The following FRMD4A variants were observed in gnomAD, a reference collection of about 807,000 sequenced individuals.
FRMD4A encodes FERM domain containing 4A.
In FRMD4A, 29 loss-of-function variants were observed where a neutral mutation model predicts 129.1. The ratio of observed to expected loss-of-function variants is 0.22; its 90% CI spans 0.17 to 0.31. The LOEUF (loss-of-function observed/expected upper bound fraction) is 0.31, where lower values mean the gene tolerates loss of function less well. Among genes scored for constraint, FRMD4A ranks in the 10% least tolerant of loss-of-function variants. The probability of loss-of-function intolerance (pLI) is 1.00; values close to 1 mark genes in which losing one functional copy is unlikely to be tolerated. For synonymous variants in FRMD4A, 634 were observed against 571.6 expected, an observed-to-expected ratio of 1.11 and a Z score of -1.56; for missense variants, 1,272 against 1,375.8, an observed-to-expected ratio of 0.92 and a Z score of 1.19.
At chr10:14,296,294 G>A (rs937354408) in intron 2 of FRMD4A, among the ~76,000 whole-genome samples, 2 of 152,218 alleles carry the variant, frequency 1.3e-5, no homozygotes, top group African/African-American at 2.4e-5. Flanking sequence ...GGGCTCCATA[G>A]AAAGAGCTAA....
In FRMD4A at chr10:13,651,923, G is replaced by A. The variant is rs747447063; in HGVS notation, c.3102C>T (p.His1034=). ...GGTACCTCTATTCATCAGTACTTTG[G>A]TGAGGTGGAGACTCAGACCCATCCA... is the stretch of plus-strand genomic sequence containing the variant. The part of the protein sequence containing the change: ...PILDGSESPP[H]QSTDE The change falls in exon 24 of 25, where the codon CAC becomes CAT. Residue 1034 remains histidine (H), a synonymous_variant. Coordinates refer to ENST00000357447, the MANE Select transcript of FRMD4A (RefSeq NM_018027.5). 6.3e-7 allele frequency: 1 copy of A among 1,585,320 alleles called. No homozygotes were observed. The highest frequency in any genetic ancestry group is 8.7e-7 in the Non-Finnish European group (1 of 1,153,678).
chr10:14,168,446 A>G (rs569667915), intron 2 of FRMD4A, among the ~76,000 whole-genome samples: 2 of 152,294 alleles, frequency 1.3e-5, no homozygotes, highest in Admixed American at 6.5e-5. Flanking sequence ...GAAAGCCTTT[A>G]TTGTCATGAG....
At chr10:14,064,280 G>T (rs1834952511) in intron 2 of FRMD4A, among the ~76,000 whole-genome samples, 1 of 152,214 alleles carries the variant, frequency 6.6e-6, no homozygotes, top group African/African-American at 2.4e-5. Context: ...CTTGCTGAAA[G>T]AATGCATGTG....
chr10:13,844,237 C>T (rs1449062240), intron 3 of FRMD4A, among the ~76,000 whole-genome samples: 1 of 152,068 alleles, frequency 6.6e-6, no homozygotes, highest in Admixed American at 6.6e-5. Flanking sequence ...AGGCTTTAGA[C>T]ATCACATAGT....
At chr10:14,012,386 A>G (rs2095685359) in intron 2 of FRMD4A, among the ~76,000 whole-genome samples, 2 of 152,352 alleles carry the variant, frequency 1.3e-5, no homozygotes, top group Admixed American at 6.5e-5. Flanking sequence ...AGGAAAATGC[A>G]TAGGAATCCA....
intron 19 of FRMD4A, among the ~76,000 whole-genome samples, chr10:13,662,716 GA>G (rs1168547455): frequency 6.6e-6 from 1 of 152,134 alleles, no homozygotes; most frequent in Non-Finnish European, 1.5e-5. Flanking sequence ...TATCTACTGG[GA>G]TATCTCCCCT....
chr10:13,920,134 C>A (rs2095055469), intron 2 of FRMD4A, among the ~76,000 whole-genome samples: 1 of 152,170 alleles, frequency 6.6e-6, no homozygotes, highest in Admixed American at 6.5e-5. Flanking sequence ...GGGTCTACAG[C>A]AACTGAGAAG....
intron 2 of FRMD4A, among the ~76,000 whole-genome samples, chr10:14,111,524 G>A (rs1310558144): frequency 6.6e-6 from 1 of 152,156 alleles, no homozygotes; most frequent in African/African-American, 2.4e-5. Context: ...AGCTAAGCTT[G>A]CAGCACTATG....
At chr10:14,009,871 A>G (rs2095675144) in intron 2 of FRMD4A, among the ~76,000 whole-genome samples, 1 of 152,128 alleles carries the variant, frequency 6.6e-6, no homozygotes, top group Non-Finnish European at 1.5e-5. Flanking sequence ...GAGGTGGTTT[A>G]GGTTTACATC....
chr10:14,010,012 T>C (rs2095675678), intron 2 of FRMD4A, among the ~76,000 whole-genome samples: 1 of 152,202 alleles, frequency 6.6e-6, no homozygotes, highest in African/African-American at 2.4e-5. Flanking sequence ...TTTGTAAAAC[T>C]GCACTTGACG....
intron 3 of FRMD4A, among the ~76,000 whole-genome samples, chr10:13,835,957 A>G (rs2093866487): frequency 6.6e-6 from 1 of 152,116 alleles, no homozygotes; most frequent in Non-Finnish European, 1.5e-5. Flanking sequence ...GTATTTAGAG[A>G]GTGTCTACTA....
At chr10:13,658,073 A>G (rs377358192) in intron 21 of FRMD4A, among the ~76,000 whole-genome samples, 6 of 150,090 alleles carry the variant, frequency 4.0e-5, no homozygotes, top group Admixed American at 3.3e-4. Flanking sequence ...AGGATGCAGT[A>G]AGCTATGATC....
chr10:14,007,039 A>AG (rs1318407371), intron 2 of FRMD4A: 1 of 151,714 alleles, frequency 6.6e-6, no homozygotes, highest in African/African-American at 2.4e-5. Context: ...TTAAACCTTT[A>AG]GTTTTTTTTT....
chr10:13,960,488 A>G (rs902644891), intron 2 of FRMD4A, among the ~76,000 whole-genome samples: 3 of 152,248 alleles, frequency 2.0e-5, no homozygotes, highest in African/African-American at 7.2e-5. Flanking sequence ...TGGTCTAAGT[A>G]CTTTATATAT....
intron 2 of FRMD4A, among the ~76,000 whole-genome samples, chr10:14,164,803 C>T (rs1841090024): frequency 6.6e-6 from 1 of 152,228 alleles, no homozygotes; most frequent in Non-Finnish European, 1.5e-5. Context: ...GTCCAACCTG[C>T]AACCCACGAT....
intron 2 of FRMD4A, among the ~76,000 whole-genome samples, chr10:14,067,677 C>T (rs188362317): frequency 2.2e-3 from 337 of 152,116 alleles, no homozygotes; most frequent in Middle Eastern, 6.8e-3. Context: ...CTTAGCTGGG[C>T]GTGGTGGTGC....
intron 2 of FRMD4A, among the ~76,000 whole-genome samples, chr10:14,162,543 G>C (rs939721959): frequency 2.0e-5 from 3 of 151,936 alleles, no homozygotes; most frequent in Admixed American, 1.3e-4. Context: ...AAGGGGATGT[G>C]TGGGGCACAG....
At chr10:13,659,635 T>G (rs1390707872) in intron 20 of FRMD4A, 145 bp from the exon 21 acceptor site, 15 of 737,596 alleles carry the variant, frequency 2.0e-5, no homozygotes, top group Non-Finnish European at 3.1e-5. Context: ...CTACTGTGGT[T>G]CTCAGCCTTT....
chr10:14,096,290 C>A (rs1017413614), intron 2 of FRMD4A, among the ~76,000 whole-genome samples: 1 of 152,212 alleles, frequency 6.6e-6, no homozygotes, highest in Non-Finnish European at 1.5e-5. Context: ...GACACCAGAT[C>A]TGCTGTTGCC....
Sources: allele counts gnomAD v4.1 joint callset (sites outside exome capture counted in the v4.1 genomes callset), GRCh38; gene constraint gnomAD v4.1.1; transcripts MANE v1.5; gene names NCBI Gene and HGNC (gene_info 2026-07-23, HGNC 2026-07-21).